BTD: variants seen among roughly 807,000 people sequenced by gnomAD.
BTD encodes the protein biocytinase.
In BTD, 13 loss-of-function variants were observed where a neutral mutation model predicts 17.7. The observed-to-expected ratio is 0.74, with a 90% confidence interval of 0.48 to 1.17. The LOEUF is 1.17. Among genes scored for constraint, BTD ranks in the 50% most tolerant of loss-of-function variants. The pLI, the probability that BTD is intolerant of heterozygous loss-of-function variation, is 0.00. For missense variants in BTD, 674 were observed against 650.4 expected, an observed-to-expected ratio of 1.04 and a Z score of -0.39; for synonymous variants, 240 against 245.2, an observed-to-expected ratio of 0.98 and a Z score of 0.20.
chr3:15,696,275 A>C (rs749205593), intron 3 of BTD: 66 of 1,382,040 alleles, frequency 4.8e-5, no homozygotes, highest in Non-Finnish European at 5.9e-5. Flanking sequence ...CATACTGAAA[A>C]TCCTAAATCC....
chr3:15,601,882 G>A lies in BTD; in HGVS notation c.-29G>A. ...CATGCGCATATTCAGGGCGGAAGGC[G>A]CGCTAAGAGCAGGTACGGAGGGGGC... On this transcript the variant is annotated 5_prime_UTR_variant, in exon 1 of 4. Coordinates refer to ENST00000643237, the MANE Select transcript of BTD (RefSeq NM_001370658.1). The A allele has an allele frequency of 6.2e-7, 1 of 1,614,092 alleles. No individual in the cohort carries two copies. The highest frequency in any genetic ancestry group is 2.2e-5 in the East Asian group (1 of 44,886).
At chr3:15,642,192 G>T (rs1369256819) in intron 3 of BTD, 135 bp downstream of exon 3, 2 of 1,520,714 alleles carry the variant, frequency 1.3e-6, no homozygotes, top group Non-Finnish European at 8.8e-7. Context: ...AACTCCCAAA[G>T]ATCCATGTGC....
rs1468518111 is a variant in BTD, at chr3:15,706,860, ATG to A, written c.400-3196_400-3195del. ...GACCAGTGATGATGAGCATTTTTTC[ATG>A]TGTCTGTTGGCTGCATAAATGTCTT... On this transcript the variant is annotated intron_variant, in intron 3 of 3. Transcript: ENST00000672141. 2.0e-5 allele frequency among the ~76,000 whole-genome samples: 3 copies of A among 152,020 alleles called. No individual in the cohort carries two copies. The East Asian group carries it at 5.8e-4, about 29-fold the overall frequency.
rs748688625 is a variant in BTD, at chr3:15,635,655, C to G, written c.216C>G (p.Ile72Met). 7 of 1,614,104 alleles carry G rather than the reference C, an allele frequency of 4.3e-6. No individual in the cohort carries two copies. Among genetic ancestry groups the G allele is most frequent in the Non-Finnish European group, 5.9e-6 (7 of 1,180,050 alleles). ...ALELMNQNLD[I>M]YEQQVMTAAQ... ...AGCTCATGAACCAGAACCTTGACAT[C>G]TATGAACAGCAAGTGATGACTGCAG... Residue 72 changes from isoleucine to methionine, a missense_variant, in exon 2 of 4, where the codon ATC (isoleucine) becomes ATG (methionine). By Grantham distance (10) the Ile-to-Met change is conservative (BLOSUM62 1). Coordinates refer to ENST00000643237, the MANE Select transcript of BTD (RefSeq NM_001370658.1). This position sits in a 1 kb window ranked among gnomAD's most constrained non-coding sequence, Gnocchi z 4.1.
chr3:15,604,304 G>A (rs539890784), intron 1 of BTD, among the ~76,000 whole-genome samples: 15 of 152,260 alleles, frequency 9.9e-5, no homozygotes, highest in Non-Finnish European at 1.5e-4. Flanking sequence ...CCATGTGGAA[G>A]CTGCCAAGGC....
At position 15,650,600 on chromosome 3, in the gene BTD, A is replaced by C. The variant is rs1471562014; in HGVS notation, c.*5112A>C. ...TTCTCCCACAGACAGACTCTCGTGT[A>C]GTTGCAACAATGGCCATGACTTCTA... is the stretch of plus-strand genomic sequence containing the variant. On this transcript the variant is annotated 3_prime_UTR_variant, in exon 4 of 4. Transcript: ENST00000643237. Among the ~76,000 whole-genome samples the C allele has an allele frequency of 6.6e-6, 1 of 152,056 alleles. No homozygotes were observed. Among genetic ancestry groups the C allele is most frequent in the African/African-American group, 2.4e-5 (1 of 41,428 alleles).
Position 15,644,734 on chromosome 3 carries a change from G to A in BTD, c.818G>A (p.Gly273Asp), listed in dbSNP as rs751445487. ...CAGAAAGCTTTTGCTGTTGCCTTTG[G>A]CATCAACGTTCTGGCAGCTAATGTC... ...EIQKAFAVAFGINVLAANVHH... is the reference protein window; with the variant it reads ...EIQKAFAVAFDINVLAANVHH... Residue 273 changes from glycine to aspartate, a missense_variant, in exon 4 of 4, where the codon GGC becomes GAC. Coordinates refer to ENST00000643237, the MANE Select transcript of BTD (RefSeq NM_001370658.1). 5.0e-6 allele frequency: 8 copies of A among 1,614,144 alleles called. 1 individual carries two copies. The South Asian group carries it at 8.8e-5, about 18-fold the overall frequency.
At chr3:15,642,510 A>C (rs1032404121) in intron 3 of BTD, among the ~76,000 whole-genome samples, 9 of 145,194 alleles carry the variant, frequency 6.2e-5, no homozygotes, top group African/African-American at 2.1e-4. Flanking sequence ...GCTGGAGCGC[A>C]GTGGCGCGAT....
intron 4 of BTD, chr3:15,721,102 T>A: frequency 1.2e-6 from 2 of 1,613,010 alleles, no homozygotes; most frequent in South Asian, 2.2e-5. Context: ...AAGAGGTGTA[T>A]TTCCATAGGC....
At chr3:15,694,599 A>C in intron 3 of BTD, 1 of 533,326 alleles carries the variant, frequency 1.9e-6, no homozygotes, top group Non-Finnish European at 3.1e-6. Context: ...GAATTAAAGA[A>C]AGTTCTCAAA....
intron 1 of BTD, among the ~76,000 whole-genome samples, chr3:15,624,038 A>G (rs2065014476): frequency 6.6e-6 from 1 of 152,094 alleles, no homozygotes; most frequent in Non-Finnish European, 1.5e-5. Context: ...ATTTCACATC[A>G]CTGTCTTATT....
chr3:15,664,893 C>G (rs1266540269), intron 3 of BTD, among the ~76,000 whole-genome samples: 1 of 152,136 alleles, frequency 6.6e-6, no homozygotes, highest in Non-Finnish European at 1.5e-5. Flanking sequence ...GTTCAAAAAA[C>G]TACCTATTAA....
At chr3:15,626,789 A>T (rs995728119) in intron 1 of BTD, among the ~76,000 whole-genome samples, 1 of 150,424 alleles carries the variant, frequency 6.6e-6, no homozygotes, top group Non-Finnish European at 1.5e-5. Flanking sequence ...TCAAAAAAAA[A>T]AAAAAAGAAA....
At position 15,651,941 on chromosome 3, in the gene BTD, T is replaced by G. The variant is rs1443269194; in HGVS notation, c.*6453T>G. On this transcript the variant is annotated 3_prime_UTR_variant, in exon 4 of 4. Coordinates refer to ENST00000643237, the MANE Select transcript of BTD (RefSeq NM_001370658.1). ...GTGCTCCCCACCTGCTGGTATCCGTTGTACAACACTTCCCACATTTTTCTG... is the reference window on the plus strand; with the variant it reads ...GTGCTCCCCACCTGCTGGTATCCGTGGTACAACACTTCCCACATTTTTCTG... 6.6e-6 allele frequency among the ~76,000 whole-genome samples: 1 copy of G among 152,212 alleles called. No homozygotes were observed. Among genetic ancestry groups the G allele is most frequent in the Admixed American group, 6.5e-5 (1 of 15,284 alleles).
intron 3 of BTD, among the ~76,000 whole-genome samples, chr3:15,692,883 GGATA>G (rs1169635693): frequency 1.3e-5 from 2 of 152,084 alleles, no homozygotes; most frequent in Non-Finnish European, 2.9e-5. Context: ...TCAGATGAAT[GGATA>G]AAGAAAAATG....
In BTD at chr3:15,601,947, C is replaced by G. The variant is rs922545244; in HGVS notation, c.-17+53C>G. ...AGGGGGTGTGGTAAGGGCGTGCGGT[C>G]CAGACCCCGCCCCGGGCGCCCAGTT... On this transcript the variant is annotated intron_variant, in intron 1 of 3. Transcript: ENST00000643237. The G allele has an allele frequency of 5.0e-6, 8 of 1,599,556 alleles. No individual in the cohort carries two copies. The East Asian group carries it at 1.8e-4, about 36-fold the overall frequency.
At position 15,652,009 on chromosome 3, in the gene BTD, C is replaced by G. The variant is rs991166640; in HGVS notation, c.*6521C>G. ...CAATAAAATATGGCAGATGCGATGG[C>G]ATGTTACTTCTGAAATTGGGTTATA... On this transcript the variant is annotated 3_prime_UTR_variant, in exon 4 of 4. Transcript: ENST00000643237. 2.0e-5 allele frequency among the ~76,000 whole-genome samples: 3 copies of G among 152,156 alleles called. No individual in the cohort carries two copies.
At chr3:15,657,464 G>A (rs184528188), downstream of BTD, among the ~76,000 whole-genome samples, 1 of 151,230 alleles carries the variant, frequency 6.6e-6, no homozygotes, top group Admixed American at 6.7e-5. Context: ...CTGAGACACA[G>A]AGAGGCTGAA....
intron 1 of BTD, among the ~76,000 whole-genome samples, chr3:15,634,326 A>G (rs1433470063): frequency 6.6e-6 from 1 of 152,162 alleles, no homozygotes; most frequent in African/African-American, 2.4e-5. Flanking sequence ...TTGACTTTTA[A>G]TCCGGATTCC....
Sources: gnomAD v4.1 joint callset for allele counts (sites outside exome capture counted in the v4.1 genomes callset) on GRCh38, gnomAD v4.1.1 for gene constraint, Gnocchi (gnomAD v3.1) non-coding constraint, MANE v1.5 for transcripts, NCBI Gene and HGNC (gene_info 2026-07-23, HGNC 2026-07-21) for gene names.